AGBL4: variants seen among roughly 807,000 people sequenced by gnomAD.
The protein encoded by AGBL4 is cytosolic carboxypeptidase 6.
A neutral mutation model predicts 66.4 loss-of-function variants in AGBL4; 58 were observed. The ratio of observed to expected loss-of-function variants is 0.87; its 90% confidence interval spans 0.71 to 1.09. The LOEUF (loss-of-function observed/expected upper bound fraction) is 1.09. Ranked by LOEUF, AGBL4 falls within the 50% of genes least tolerant of loss-of-function variation. AGBL4 has a pLI of 0.00. For missense variants in AGBL4, 579 were observed against 631.0 expected, an observed-to-expected ratio of 0.92 and a Z score of 0.88; for synonymous variants, 234 against 222.9, an observed-to-expected ratio of 1.05 and a Z score of -0.44.
chr1:49,543,366 C>A (rs981603452), intron 3 of AGBL4, among the ~76,000 whole-genome samples: 2 of 152,050 alleles, frequency 1.3e-5, no homozygotes, highest in African/African-American at 4.8e-5. Context: ...CTATTCCTTA[C>A]AACCCTATCC....
In AGBL4 at chr1:49,714,067, G is replaced by A. The variant is rs1385272092; in HGVS notation, c.158-16630C>T. On this transcript the variant is annotated intron_variant, in intron 2 of 13. Transcript: ENST00000371839. ...TTAAATATCATGACTATGCCAAGAC[G>A]TAGACTGTGTTAGTCATTTCATTTT... 6.6e-5 allele frequency among the ~76,000 whole-genome samples: 10 copies of A among 152,004 alleles called. No individual in the cohort carries two copies. The East Asian group carries it at 1.4e-3, about 21-fold the overall frequency.
chr1:49,565,015 G>C (rs1306423323), intron 3 of AGBL4, among the ~76,000 whole-genome samples: 1 of 152,162 alleles, frequency 6.6e-6, no homozygotes, highest in Admixed American at 6.5e-5. Context: ...TATATATTTA[G>C]GATAGCTAGT....
intron 3 of AGBL4, among the ~76,000 whole-genome samples, chr1:49,547,524 T>C (rs1175266617): frequency 2.0e-5 from 3 of 152,194 alleles, no homozygotes; most frequent in Non-Finnish European, 4.4e-5. Context: ...AGAATTGCTT[T>C]TTCTAATTCT....
intron 6 of AGBL4, among the ~76,000 whole-genome samples, chr1:48,862,331 T>C (rs895529728): frequency 6.6e-6 from 1 of 152,190 alleles, no homozygotes; most frequent in Non-Finnish European, 1.5e-5. Context: ...AAAGTCACTT[T>C]AAAAAATTTT....
At chr1:49,613,067 A>G (rs1235745131) in intron 3 of AGBL4, among the ~76,000 whole-genome samples, 1 of 152,208 alleles carries the variant, frequency 6.6e-6, no homozygotes, top group Non-Finnish European at 1.5e-5. Context: ...GAATGAAATC[A>G]TGTATTCTGC....
chr1:49,664,617 T>C (rs1646328066), intron 3 of AGBL4, among the ~76,000 whole-genome samples: 1 of 152,112 alleles, frequency 6.6e-6, no homozygotes, highest in Admixed American at 6.6e-5. Context: ...CAAGGGAATA[T>C]GGTAATGATG....
At chr1:48,637,075 G>T in intron 8 of AGBL4, among the ~76,000 whole-genome samples, 1 of 152,270 alleles carries the variant, frequency 6.6e-6, no homozygotes, top group East Asian at 1.9e-4. Context: ...ATGCTTACAG[G>T]TTTATATCCA....
intron 4 of AGBL4, among the ~76,000 whole-genome samples, chr1:49,120,892 C>A (rs948954218): frequency 2.0e-5 from 3 of 152,088 alleles, no homozygotes; most frequent in Non-Finnish European, 2.9e-5. Context: ...TTCTTGGAGG[C>A]TTTGTTAATT....
At chr1:49,031,384 C>A (rs961791225) in intron 5 of AGBL4, among the ~76,000 whole-genome samples, 14 of 151,370 alleles carry the variant, frequency 9.2e-5, no homozygotes, top group Non-Finnish European at 1.6e-4. Context: ...TGCAAAATAG[C>A]CTGATTTGAT....
chr1:49,546,800 T>C (rs1040838876), intron 3 of AGBL4, among the ~76,000 whole-genome samples: 8 of 152,236 alleles, frequency 5.3e-5, no homozygotes, highest in African/African-American at 1.9e-4. Flanking sequence ...GCCATTTGTA[T>C]ATCTTTTTTT....
chr1:49,515,855 A>T (rs1649760239), intron 3 of AGBL4, among the ~76,000 whole-genome samples: 1 of 132,820 alleles, frequency 7.5e-6, no homozygotes, highest in African/African-American at 2.9e-5. Context: ...ACATGGACAC[A>T]GGAAGGGGAA....
chr1:48,859,619 G>A (rs966746511), intron 6 of AGBL4, among the ~76,000 whole-genome samples: 2 of 152,148 alleles, frequency 1.3e-5, no homozygotes, highest in African/African-American at 2.4e-5. Flanking sequence ...TGACTGTTCC[G>A]CCTGGCTGCT....
chr1:49,961,387 C>T (rs1397368336), intron 1 of AGBL4, among the ~76,000 whole-genome samples: 1 of 151,866 alleles, frequency 6.6e-6, no homozygotes, highest in Non-Finnish European at 1.5e-5. Context: ...CACCTCTAGT[C>T]CTAGTTACCT....
intron 4 of AGBL4, among the ~76,000 whole-genome samples, chr1:49,237,997 T>C (rs1467348927): frequency 2.0e-5 from 3 of 152,168 alleles, no homozygotes; most frequent in African/African-American, 7.2e-5. Context: ...GATGTTCTTT[T>C]AGCATTTGAA....
At chr1:48,733,510 T>G (rs1015288622) in intron 6 of AGBL4, among the ~76,000 whole-genome samples, 1 of 152,180 alleles carries the variant, frequency 6.6e-6, no homozygotes, top group African/African-American at 2.4e-5. Context: ...GTAAAAAAAT[T>G]TAAAAACGGC....
intron 3 of AGBL4, among the ~76,000 whole-genome samples, chr1:49,688,144 G>T (rs1646820689): frequency 6.6e-6 from 1 of 152,046 alleles, no homozygotes; most frequent in Admixed American, 6.6e-5. Context: ...TGTTGTGCTA[G>T]CAAATACTAG....
intron 5 of AGBL4, among the ~76,000 whole-genome samples, chr1:48,975,470 G>A (rs952437623): frequency 6.6e-6 from 1 of 152,124 alleles, no homozygotes; most frequent in African/African-American, 2.4e-5. Flanking sequence ...CCACACAGAA[G>A]ATTCCTATAG....
chr1:49,877,549 G>A (rs1337729941), intron 1 of AGBL4, among the ~76,000 whole-genome samples: 6 of 151,554 alleles, frequency 4.0e-5, no homozygotes, highest in African/African-American at 1.2e-4. Flanking sequence ...TGGGCTGCTG[G>A]ATTCGGTTTG....
intron 3 of AGBL4, among the ~76,000 whole-genome samples, chr1:49,578,520 T>C (rs1644480111): frequency 6.6e-6 from 1 of 152,212 alleles, no homozygotes; most frequent in South Asian, 2.1e-4. Flanking sequence ...AGGACTGTAA[T>C]TGTCATGAGT....
Sources: allele counts gnomAD v4.1 joint callset (sites outside exome capture counted in the v4.1 genomes callset), GRCh38; gene constraint gnomAD v4.1.1; transcripts MANE v1.5; gene names NCBI Gene and HGNC (gene_info 2026-07-23, HGNC 2026-07-21).